The following CFDP1 variants were observed in gnomAD, a reference collection of about 807,000 sequenced individuals.
CFDP1 encodes the protein chromatin remodeling protein CFDP1.
CFDP1 carries 31 observed loss-of-function variants against 40.1 expected under a neutral mutation model. That is an observed-to-expected ratio of 0.77 (90% confidence interval 0.58 to 1.04). CFDP1 has a LOEUF of 1.04. Ranked by LOEUF, CFDP1 falls within the 50% of genes least tolerant of loss-of-function variation. The pLI, the probability that CFDP1 is intolerant of heterozygous loss-of-function variation, is 0.00. For missense variants in CFDP1, 423 were observed against 343.4 expected, an observed-to-expected ratio of 1.23 and a Z score of -1.83; for synonymous variants, 167 against 120.0, an observed-to-expected ratio of 1.39 and a Z score of -2.56.
chr16:75,367,577 G>A (rs775950470), intron 5 of CFDP1, among the ~76,000 whole-genome samples: 10 of 151,980 alleles, frequency 6.6e-5, no homozygotes. Context: ...CAGATCACCT[G>A]AGGATAGGAG....
In CFDP1 at chr16:75,385,539, G is replaced by GA. The variant is rs199500446; in HGVS notation, c.650+9550dup. 6.0e-3 allele frequency among the ~76,000 whole-genome samples: 635 copies of GA among 106,280 alleles called. 4 individuals are homozygous for GA. The highest frequency in any genetic ancestry group is 0.015 in the African/African-American group (536 of 36,136). The allele number at this position is 106,280 out of a possible 152,430, so 69.7% of individuals were successfully genotyped here. ...TCTTTCTAAGCACAATAGTAGAGTT[G>GA]AAAAAAAAAATTCTAATAAAAGAAA... is the stretch of plus-strand genomic sequence containing the variant. On this transcript the variant is annotated intron_variant, in intron 5 of 6. Transcript: ENST00000283882.
In CFDP1 at chr16:75,355,361, T is replaced by C. The variant is rs548144076; in HGVS notation, c.650+39729A>G. Among the ~76,000 whole-genome samples the C allele has an allele frequency of 4.8e-4, 73 of 152,370 alleles. 1 individual carries two copies. The highest frequency in any genetic ancestry group is 9.0e-4 in the Non-Finnish European group (61 of 68,036). On this transcript the variant is annotated intron_variant, in intron 5 of 6. Coordinates refer to ENST00000283882, the MANE Select transcript of CFDP1 (RefSeq NM_006324.3). ...ACCCAGAGTAAAACTTATTTCAAAA[T>C]TGAAGTCAATCCTCTCAAACCCTGC...
intron 5 of CFDP1, among the ~76,000 whole-genome samples, chr16:75,357,451 C>T (rs2151529812): frequency 1.3e-5 from 2 of 152,066 alleles, no homozygotes; most frequent in South Asian, 4.2e-4. Context: ...GACGGGGTTT[C>T]ACCATATTGG....
intron 5 of CFDP1, among the ~76,000 whole-genome samples, chr16:75,319,104 A>T (rs1185283080): frequency 3.3e-5 from 5 of 151,958 alleles, no homozygotes; most frequent in Non-Finnish European, 7.4e-5. Context: ...AGTGCAGTGG[A>T]GCGATCTCGG....
intron 5 of CFDP1, among the ~76,000 whole-genome samples, chr16:75,326,781 G>C (rs2151512702): frequency 1.3e-5 from 2 of 152,324 alleles, no homozygotes; most frequent in Middle Eastern, 6.8e-3. Context: ...CTCAACACTA[G>C]AAGCTAGAAG....
intron 5 of CFDP1, among the ~76,000 whole-genome samples, chr16:75,387,948 A>T (rs977461590): frequency 7.9e-5 from 12 of 152,252 alleles, no homozygotes; most frequent in Non-Finnish European, 1.5e-4. Flanking sequence ...CACTTTCTTC[A>T]AAAATAACAA....
intron 4 of CFDP1, among the ~76,000 whole-genome samples, chr16:75,397,104 T>G (rs188900675): frequency 2.6e-5 from 4 of 151,722 alleles, no homozygotes; most frequent in Admixed American, 2.6e-4. Flanking sequence ...TTAGTAGAGA[T>G]GGGGTTTCAC....
At chr16:75,367,345 G>C (rs569726117) in intron 5 of CFDP1, among the ~76,000 whole-genome samples, 1 of 151,256 alleles carries the variant, frequency 6.6e-6, no homozygotes, top group South Asian at 2.1e-4. Context: ...CTAGGTGGTG[G>C]ATGGGTTGAC....
rs542063342 is a variant in CFDP1, at chr16:75,415,914, G to A, written c.65-1219C>T. On this transcript the variant is annotated intron_variant, in intron 1 of 6. Transcript: ENST00000283882. ...GTCACCCAGGCTGGAGTGCAGTGGC[G>A]CGATCTTGGCTCACTACAACCTCTG... 2.3e-3 allele frequency among the ~76,000 whole-genome samples: 351 copies of A among 152,158 alleles called. 2 individuals carry two copies. Among genetic ancestry groups the A allele is most frequent in the African/African-American group, 7.9e-3 (329 of 41,508 alleles).
intron 5 of CFDP1, among the ~76,000 whole-genome samples, chr16:75,344,099 T>G (rs2078545598): frequency 6.6e-6 from 1 of 152,204 alleles, no homozygotes; most frequent in South Asian, 2.1e-4. Flanking sequence ...ATAAACCAGT[T>G]ACTTAAAACC....
At chr16:75,424,520 C>G (rs1044874493) in intron 1 of CFDP1, among the ~76,000 whole-genome samples, 2 of 152,144 alleles carry the variant, frequency 1.3e-5, no homozygotes, top group African/African-American at 4.8e-5. Context: ...CTTTGGGAGG[C>G]TGAGGCGGGC....
intron 4 of CFDP1, among the ~76,000 whole-genome samples, chr16:75,395,617 C>T (rs2078990047): frequency 6.6e-6 from 1 of 152,010 alleles, no homozygotes; most frequent in Non-Finnish European, 1.5e-5. Context: ...CGAGATCACG[C>T]CATTGCACTC....
intron 5 of CFDP1, among the ~76,000 whole-genome samples, chr16:75,392,985 G>A (rs944754430): frequency 1.3e-5 from 2 of 152,214 alleles, no homozygotes; most frequent in African/African-American, 4.8e-5. Context: ...AGATAAAGAT[G>A]TAACAGATGA....
intron 1 of CFDP1, among the ~76,000 whole-genome samples, chr16:75,428,153 G>T (rs2079363144): frequency 6.7e-6 from 1 of 150,284 alleles, no homozygotes; most frequent in East Asian, 1.9e-4. Context: ...TTTTAAGAGG[G>T]TTGACGGCTT....
intron 4 of CFDP1, among the ~76,000 whole-genome samples, chr16:75,401,428 CAAAAAAA>C (rs35178768): frequency 2.2e-5 from 2 of 92,462 alleles, no homozygotes; most frequent in East Asian, 3.2e-4. Context: ...GACTCCGTCT[CAAAAAAA>C]AAAAAAAAAA....
At chr16:75,367,430 T>TA (rs35774804) in intron 5 of CFDP1, among the ~76,000 whole-genome samples, 63,485 of 119,952 alleles carry the variant, frequency 0.53, 16,475 homozygotes, top group Admixed American at 0.65. Context: ...ACTCCAGAAC[T>TA]AAAAAAAAAA....
At chr16:75,328,110 T>A (rs1386816635) in intron 5 of CFDP1, among the ~76,000 whole-genome samples, 1 of 151,630 alleles carries the variant, frequency 6.6e-6, no homozygotes, top group South Asian at 2.1e-4. Flanking sequence ...TATGAGAGTG[T>A]TAAATCCTCT....
At chr16:75,327,318 A>G (rs1455584466) in intron 5 of CFDP1, among the ~76,000 whole-genome samples, 2 of 152,118 alleles carry the variant, frequency 1.3e-5, no homozygotes, top group Non-Finnish European at 2.9e-5. Flanking sequence ...AAGACATGGA[A>G]TCCAAGAAAC....
At chr16:75,322,112 C>T (rs2078368535) in intron 5 of CFDP1, among the ~76,000 whole-genome samples, 1 of 152,238 alleles carries the variant, frequency 6.6e-6, no homozygotes, top group South Asian at 2.1e-4. Flanking sequence ...GCGTGAGCCA[C>T]CGCGCCCAGC....
Sources: gnomAD v4.1 joint callset for allele counts (sites outside exome capture counted in the v4.1 genomes callset) on GRCh38, gnomAD v4.1.1 for gene constraint, MANE v1.5 for transcripts, NCBI Gene and HGNC (gene_info 2026-07-23, HGNC 2026-07-21) for gene names.